The following TANGO6 variants were observed in gnomAD, a reference collection of about 807,000 sequenced individuals.
The protein encoded by TANGO6 is transport and Golgi organization protein 6 homolog.
In TANGO6, 90 loss-of-function variants were observed where a neutral mutation model predicts 114.2. The observed-to-expected ratio is 0.79, with a 90% CI of 0.66 to 0.94. The LOEUF (loss-of-function observed/expected upper bound fraction) is 0.94. Ranked by LOEUF, TANGO6 falls within the 40% of genes least tolerant of loss-of-function variation. The probability of loss-of-function intolerance (pLI) is 0.00; values close to 1 mark genes in which losing one functional copy is unlikely to be tolerated. For synonymous variants in TANGO6, 477 were observed against 509.8 expected, an observed-to-expected ratio of 0.94 and a Z score of 0.87; for missense variants, 1,274 against 1,315.3, an observed-to-expected ratio of 0.97 and a Z score of 0.49.
intron 17 of TANGO6, among the ~76,000 whole-genome samples, chr16:69,051,855 A>T (rs999533001): frequency 3.3e-5 from 5 of 151,668 alleles, no homozygotes; most frequent in Admixed American, 2.0e-4. Context: ...AAAAATTAAA[A>T]ATATATATAT....
chr16:68,895,334 G>A (rs1374801618), intron 7 of TANGO6, among the ~76,000 whole-genome samples: 1 of 152,112 alleles, frequency 6.6e-6, no homozygotes, highest in African/African-American at 2.4e-5. Flanking sequence ...GGACCACAGA[G>A]CAAGACTTTG....
In TANGO6 at chr16:68,878,238, CA is replaced by C. The variant is rs1316950630; in HGVS notation, c.1253del (p.Gln418ArgfsTer4). Reference protein sequence around the residue: ...RPHLAAKYLLQPVLAPLHRCL... With the variant: ...RPHLAAKYLLXPVLAPLHRCL... ...ACATTTGGCAGCAAAGTATTTGCTCCAGCCAGTGTTAGCTCCTCTTCATCGA... is the reference window on the plus strand; with the variant it reads ...ACATTTGGCAGCAAAGTATTTGCTCCGCCAGTGTTAGCTCCTCTTCATCGA... On this transcript the variant is annotated frameshift_variant, in exon 6 of 18. Coordinates refer to ENST00000261778, the MANE Select transcript of TANGO6 (RefSeq NM_024562.2). LOFTEE classifies it high-confidence loss of function. The C allele has an allele frequency of 4.3e-6, 7 of 1,612,520 alleles. No individual in the cohort carries two copies. The highest frequency in any genetic ancestry group is 5.9e-6 in the Non-Finnish European group (7 of 1,179,414).
intron 7 of TANGO6, among the ~76,000 whole-genome samples, chr16:68,888,122 C>G (rs997859750): frequency 2.6e-5 from 4 of 152,136 alleles, no homozygotes; most frequent in African/African-American, 7.2e-5. Context: ...TGTACTTCAT[C>G]TGCATAAATG....
At chr16:69,073,242 C>T (rs1025485005) in intron 17 of TANGO6, among the ~76,000 whole-genome samples, 3 of 152,130 alleles carry the variant, frequency 2.0e-5, no homozygotes, top group African/African-American at 7.2e-5. Context: ...TACTAAAGTT[C>T]CCCCAAGCCA....
In TANGO6 at chr16:69,064,884, A is replaced by G. The variant is rs57399132; in HGVS notation, c.3109-18601A>G. ...CACGTGGGAGGCTTTCCATGCAGAA[A>G]GGAAATAGAAGTGTGGTGCCCTCAG... On this transcript the variant is annotated intron_variant, in intron 17 of 17. Transcript: ENST00000261778. Among the ~76,000 whole-genome samples the G allele has an allele frequency of 6.5e-3, 984 of 152,282 alleles. 8 individuals carry two copies. The highest frequency in any genetic ancestry group is 0.02 in the African/African-American group (838 of 41,560).
chr16:69,081,602 A>G lies in TANGO6; in HGVS notation c.3109-1883A>G, dbSNP rs183717112. Among the ~76,000 whole-genome samples the G allele has an allele frequency of 2.0e-3, 303 of 152,032 alleles. 3 individuals carry two copies. Among genetic ancestry groups the G allele is most frequent in the Non-Finnish European group, 3.6e-3 (245 of 67,962 alleles). On this transcript the variant is annotated intron_variant, in intron 17 of 17. Coordinates refer to ENST00000261778, the MANE Select transcript of TANGO6 (RefSeq NM_024562.2). ...ATGATCCACCTACCTTGGCCTCCCA[A>G]GTGCTGGGATTACAGGCCTGAGCCA...
At chr16:68,961,459 T>A (rs1963589868) in intron 14 of TANGO6, among the ~76,000 whole-genome samples, 1 of 152,214 alleles carries the variant, frequency 6.6e-6, no homozygotes, top group Non-Finnish European at 1.5e-5. Flanking sequence ...CCACTTCAAA[T>A]GATTGTTGGG....
At chr16:69,054,940 C>CAAAAAAA (rs35840863) in intron 17 of TANGO6, among the ~76,000 whole-genome samples, 1 of 68,928 alleles carries the variant, frequency 1.5e-5, no homozygotes, top group Non-Finnish European at 2.6e-5. Flanking sequence ...GACTCCGTCT[C>CAAAAAAA]AAAAAAAAAA....
At chr16:68,943,926 C>T (rs577242876) in intron 14 of TANGO6, among the ~76,000 whole-genome samples, 1 of 152,036 alleles carries the variant, frequency 6.6e-6, no homozygotes, top group South Asian at 2.1e-4. Flanking sequence ...TAGCTTAGAG[C>T]AAGAGAGTAA....
intron 12 of TANGO6, among the ~76,000 whole-genome samples, chr16:68,924,807 A>T (rs1242355357): frequency 6.6e-6 from 1 of 151,346 alleles, no homozygotes; most frequent in Non-Finnish European, 1.5e-5. Context: ...AAGAAAACAG[A>T]AACAAACTCC....
intron 1 of TANGO6, among the ~76,000 whole-genome samples, chr16:68,849,204 G>C (rs192852388): frequency 1.2e-4 from 18 of 152,234 alleles, no homozygotes; most frequent in African/African-American, 3.6e-4. Context: ...GTGCTATGGT[G>C]GGCTCCTGTA....
At position 68,917,087 on chromosome 16, in the gene TANGO6, C is replaced by T. The variant is rs540296406; in HGVS notation, c.1993-1998C>T. Reference sequence around the variant, plus strand: ...TTCTGTTCTCCCTCTCTCCTCACCCCGGCAACCCTTGATCTTTTTACTGTC... The same window carrying T: ...TTCTGTTCTCCCTCTCTCCTCACCCTGGCAACCCTTGATCTTTTTACTGTC... On this transcript the variant is annotated intron_variant, in intron 11 of 17. Coordinates refer to ENST00000261778, the MANE Select transcript of TANGO6 (RefSeq NM_024562.2). Among the ~76,000 whole-genome samples, 13 of 152,270 alleles carry T rather than the reference C, an allele frequency of 8.5e-5. No homozygotes were observed. The South Asian group carries it at 1.2e-3, about 15-fold the overall frequency.
At chr16:68,876,573 C>T (rs1305748894) in intron 5 of TANGO6, among the ~76,000 whole-genome samples, 1 of 151,446 alleles carries the variant, frequency 6.6e-6, no homozygotes, top group African/African-American at 2.4e-5. Context: ...GTAATCCCAG[C>T]AGTTTGGGAG....
At chr16:68,909,077 T>C in intron 10 of TANGO6, 134 bp from the exon 11 acceptor site, 1 of 760,034 alleles carries the variant, frequency 1.3e-6, no homozygotes, top group Non-Finnish European at 1.8e-6. Flanking sequence ...GTTTTGGCTA[T>C]TATAAATAAT....
In TANGO6 at chr16:68,859,974, T is replaced by G; in HGVS notation, c.185T>G (p.Leu62Arg). 6.2e-7 allele frequency: 1 copy of G among 1,613,484 alleles called. No individual in the cohort carries two copies. The highest frequency in any genetic ancestry group is 8.5e-7 in the Non-Finnish European group (1 of 1,179,444). ...SNLSALEDKF[L>R]KDPQWKNLKL... ...CTGTCTGCTTTGGAGGACAAGTTTC[T>G]GAAGGATCCTCAGTGGAAGAATCTG... is the stretch of plus-strand genomic sequence containing the variant. Residue 62 changes from leucine (L) to arginine (R), a missense_variant, in exon 2 of 18, where the codon CTG becomes CGG. Transcript: ENST00000261778.
Position 68,927,740 on chromosome 16 carries a change from T to C in TANGO6, c.2300T>C (p.Leu767Pro), listed in dbSNP as rs779379910. Residue 767 changes from leucine (L) to proline (P), a missense_variant, in exon 13 of 18, where the codon CTG (leucine) becomes CCG (proline). Physicochemically the swap from Leu to Pro is moderately conservative, Grantham distance 98. Transcript: ENST00000261778. ...GTCAGCATGGCTGCCCAAAGTACAC[T>C]GAACAGAAAAGATCTGGAAGGGAAA... is the stretch of plus-strand genomic sequence containing the variant. ...EAVSMAAQSTLNRKDLEGKIE... is the reference protein window; with the variant it reads ...EAVSMAAQSTPNRKDLEGKIE... The C allele has an allele frequency of 6.2e-7, 1 of 1,613,874 alleles. No individual in the cohort carries two copies. Among genetic ancestry groups the C allele is most frequent in the East Asian group, 2.2e-5 (1 of 44,874 alleles).
intron 17 of TANGO6, among the ~76,000 whole-genome samples, chr16:69,049,932 A>C (rs1299435450): frequency 1.3e-5 from 2 of 152,138 alleles, no homozygotes; most frequent in African/African-American, 4.8e-5. Flanking sequence ...GCAGCTGAAT[A>C]AGATTCCATC....
intron 4 of TANGO6, among the ~76,000 whole-genome samples, chr16:68,872,351 G>A (rs1047613951): frequency 6.6e-5 from 10 of 151,198 alleles, no homozygotes; most frequent in African/African-American, 2.4e-4. Flanking sequence ...ACCCAGGCTG[G>A]AGTGCAATGG....
intron 1 of TANGO6, among the ~76,000 whole-genome samples, chr16:68,848,095 T>C (rs1961843902): frequency 1.3e-5 from 2 of 151,876 alleles, no homozygotes; most frequent in Admixed American, 6.6e-5. Flanking sequence ...TCTCTGTTTC[T>C]CTCTCTCTCT....
Sources: allele counts gnomAD v4.1 joint callset (sites outside exome capture counted in the v4.1 genomes callset), GRCh38; gene constraint gnomAD v4.1.1; transcripts MANE v1.5; gene names NCBI Gene and HGNC (gene_info 2026-07-23, HGNC 2026-07-21).